The following BMPR2 variants were observed in gnomAD, a reference collection of about 807,000 sequenced individuals.
BMPR2 encodes the protein bone morphogenetic protein receptor type 2, also known as bone morphogenetic protein receptor type-2.
BMPR2 carries 29 observed loss-of-function variants against 100.8 expected under a neutral mutation model. That is an observed-to-expected ratio of 0.29 (90% CI 0.21 to 0.39). The LOEUF (loss-of-function observed/expected upper bound fraction) is 0.39. Ranked by LOEUF, BMPR2 falls within the 10% of genes least tolerant of loss-of-function variation. The pLI is 1.00. For synonymous variants in BMPR2, 382 were observed against 442.3 expected, an observed-to-expected ratio of 0.86 and a Z score of 1.71; for missense variants, 1,011 against 1,274.5, an observed-to-expected ratio of 0.79 and a Z score of 3.15.
At chr2:202,489,963 G>A (rs1213206744) in intron 3 of BMPR2, among the ~76,000 whole-genome samples, 1 of 152,158 alleles carries the variant, frequency 6.6e-6, no homozygotes, top group East Asian at 1.9e-4. Flanking sequence ...TAGAACAGCT[G>A]GATTTTGGCT....
intron 1 of BMPR2, among the ~76,000 whole-genome samples, chr2:202,384,041 G>A (rs1478542484): frequency 6.6e-6 from 1 of 151,620 alleles, no homozygotes; most frequent in Non-Finnish European, 1.5e-5. Flanking sequence ...GCGTGGTGGC[G>A]GGCGCCTATA....
rs987628296 is a variant in BMPR2, at chr2:202,532,187, C to T, written c.1129-398C>T. Among the ~76,000 whole-genome samples, 2 of 151,852 alleles carry T rather than the reference C, an allele frequency of 1.3e-5. No individual in the cohort carries two copies. The highest frequency in any genetic ancestry group is 2.1e-4 in the South Asian group (1 of 4,802). On this transcript the variant is annotated intron_variant, in intron 8 of 12. Transcript: ENST00000374580. This position sits in a 1 kb window ranked among gnomAD's most constrained non-coding sequence, Gnocchi z 4.1. ...CGATCTCCTGACCTTGAGATCCACC[C>T]GCCTTGGCCTCCCAAAGTGCTAGGA... is the stretch of plus-strand genomic sequence containing the variant.
chr2:202,473,643 T>G (rs1005656428), intron 3 of BMPR2, among the ~76,000 whole-genome samples: 3 of 151,452 alleles, frequency 2.0e-5, no homozygotes, highest in African/African-American at 7.3e-5. Context: ...TAGAAAAAAT[T>G]AGCTGGGTGT....
chr2:202,532,764 T>A lies in BMPR2; in HGVS notation c.1276+32T>A. ...ACTACTGTCAAAAGTTGATATTTTT[T>A]GAAGTGAAGCAGTTATATCTTCTTT... On this transcript the variant is annotated intron_variant, in intron 9 of 12. Coordinates refer to ENST00000374580, the MANE Select transcript of BMPR2 (RefSeq NM_001204.7). The surrounding 1 kb of genome is among the most constrained non-coding windows in gnomAD (Gnocchi z 4.1). 1 of 1,603,598 alleles carries A rather than the reference T, an allele frequency of 6.2e-7. No individual in the cohort carries two copies. The highest frequency in any genetic ancestry group is 8.5e-7 in the Non-Finnish European group (1 of 1,176,672).
At chr2:202,444,874 C>T (rs905851215) in intron 1 of BMPR2, among the ~76,000 whole-genome samples, 2 of 150,702 alleles carry the variant, frequency 1.3e-5, no homozygotes, top group African/African-American at 5.0e-5. Context: ...CTGCATCCTC[C>T]GCCTCCCGGG....
chr2:202,393,479 T>C (rs147346439), intron 1 of BMPR2, among the ~76,000 whole-genome samples: 81 of 152,200 alleles, frequency 5.3e-4, no homozygotes, highest in African/African-American at 1.8e-3. Flanking sequence ...TATTTTTTTG[T>C]AGGGACAGGT....
chr2:202,386,048 T>C (rs1559021384), intron 1 of BMPR2, among the ~76,000 whole-genome samples: 1 of 152,204 alleles, frequency 6.6e-6, no homozygotes, highest in Non-Finnish European at 1.5e-5. Context: ...TCTTGATTTT[T>C]CTCCTACCTC....
chr2:202,520,627 C>T (rs1257634371), intron 7 of BMPR2: 4 of 233,086 alleles, frequency 1.7e-5, no homozygotes, highest in Admixed American at 5.2e-5. Context: ...TTTGGCAGAC[C>T]ACCTGCGGTA....
chr2:202,455,566 G>T (rs1692077338), intron 1 of BMPR2, among the ~76,000 whole-genome samples: 1 of 152,182 alleles, frequency 6.6e-6, no homozygotes, highest in South Asian at 2.1e-4. Flanking sequence ...GAGATACAAT[G>T]CTGTGATTGT....
chr2:202,484,131 A>T (rs893866435), intron 3 of BMPR2, among the ~76,000 whole-genome samples: 2 of 152,224 alleles, frequency 1.3e-5, no homozygotes, highest in Non-Finnish European at 2.9e-5. Flanking sequence ...ATTTCTATAC[A>T]TTGCTTTTAA....
intron 9 of BMPR2, among the ~76,000 whole-genome samples, chr2:202,541,378 A>G (rs1688269333): frequency 7.1e-6 from 1 of 141,628 alleles, no homozygotes; most frequent in South Asian, 2.1e-4. Flanking sequence ...ACAGTGAGCT[A>G]TGATAATGCC....
chr2:202,453,409 TA>T (rs1346732803), intron 1 of BMPR2, among the ~76,000 whole-genome samples: 1 of 152,112 alleles, frequency 6.6e-6, no homozygotes, highest in Non-Finnish European at 1.5e-5. Context: ...GGAAGCAACC[TA>T]AGTGGCCATC....
chr2:202,539,249 A>G (rs1163780853), intron 9 of BMPR2, among the ~76,000 whole-genome samples: 1 of 152,208 alleles, frequency 6.6e-6, no homozygotes, highest in Non-Finnish European at 1.5e-5. Flanking sequence ...AATAGATGTA[A>G]TTGAAAAGAG....
intron 1 of BMPR2, among the ~76,000 whole-genome samples, chr2:202,420,536 G>GAT (rs199499802): frequency 0.042 from 4,370 of 103,488 alleles, 260 homozygotes; most frequent in Middle Eastern, 0.11. Context: ...GTAGAAGCAT[G>GAT]ATTTTTTTTT....
intron 1 of BMPR2, among the ~76,000 whole-genome samples, chr2:202,446,340 G>A (rs1469913731): frequency 1.3e-5 from 2 of 150,120 alleles, no homozygotes; most frequent in South Asian, 2.1e-4. Flanking sequence ...AGAAGTTGTG[G>A]TGAGCCAAGA....
intron 1 of BMPR2, among the ~76,000 whole-genome samples, chr2:202,416,841 C>CTT (rs1440014293): frequency 3.6e-5 from 5 of 139,676 alleles, no homozygotes; most frequent in Admixed American, 7.2e-5. Context: ...TTTTCTTTTT[C>CTT]TTTTTTTTTT....
chr2:202,415,485 A>G (rs547791027), intron 1 of BMPR2, among the ~76,000 whole-genome samples: 1 of 152,340 alleles, frequency 6.6e-6, no homozygotes, highest in South Asian at 2.1e-4. Flanking sequence ...AGAAAAATAA[A>G]TAAATAAATA....
chr2:202,392,715 G>A (rs1690574442), intron 1 of BMPR2, among the ~76,000 whole-genome samples: 2 of 151,968 alleles, frequency 1.3e-5, no homozygotes, highest in East Asian at 3.9e-4. Context: ...GCATCTGGCC[G>A]GGCGCGGTGG....
At chr2:202,552,601 T>C in intron 10 of BMPR2, 115 bp from the exon 11 acceptor site, 1 of 1,032,840 alleles carries the variant, frequency 9.7e-7, no homozygotes, top group South Asian at 1.4e-5. Flanking sequence ...ATTAGAGCTA[T>C]GTAAAATACT....
Sources: gnomAD v4.1 joint callset for allele counts (sites outside exome capture counted in the v4.1 genomes callset) on GRCh38, gnomAD v4.1.1 for gene constraint, Gnocchi (gnomAD v3.1) non-coding constraint, MANE v1.5 for transcripts, NCBI Gene and HGNC (gene_info 2026-07-23, HGNC 2026-07-21) for gene names.